TTLL11: variants seen among roughly 807,000 people sequenced by gnomAD.
TTLL11 encodes tubulin polyglutamylase TTLL11.
TTLL11 carries 42 observed loss-of-function variants against 51.7 expected under a neutral mutation model. The ratio of observed to expected loss-of-function variants is 0.81; its 90% confidence interval spans 0.64 to 1.05. The LOEUF (loss-of-function observed/expected upper bound fraction) is 1.05, where lower values mean the gene tolerates loss of function less well. TTLL11 is among the 50% of genes least tolerant of loss of function. The probability of loss-of-function intolerance (pLI) is 0.00; values close to 1 mark genes in which losing one functional copy is unlikely to be tolerated. For missense variants in TTLL11, 799 were observed against 940.4 expected, an observed-to-expected ratio of 0.85 and a Z score of 1.97; for synonymous variants, 381 against 383.5, an observed-to-expected ratio of 0.99 and a Z score of 0.08.
chr9:121,989,244 A>G lies in TTLL11; in HGVS notation c.1220T>C (p.Phe407Ser). 1 of 1,614,120 alleles carries G rather than the reference A, an allele frequency of 6.2e-7. No individual in the cohort carries two copies. The highest frequency in any genetic ancestry group is 8.5e-7 in the Non-Finnish European group (1 of 1,179,976). ...VIALTPELKV[F>S]YQSDIPTGRP... ...CCCCGTGGGGATGTCTGACTGGTAG[A>G]AGACTTTGAGCTCTGGAGTCAGCGC... Residue 407 changes from phenylalanine (F) to serine (S), a missense_variant, in exon 4 of 9, where the codon TTC becomes TCC. Phe to Ser is a radical substitution (Grantham distance 155). Transcript: ENST00000321582. This position sits in a 1 kb window ranked among gnomAD's most constrained non-coding sequence, Gnocchi z 4.2.
At chr9:121,922,400 G>A (rs1317222551) in intron 6 of TTLL11, among the ~76,000 whole-genome samples, 1 of 152,108 alleles carries the variant, frequency 6.6e-6, no homozygotes, top group Non-Finnish European at 1.5e-5. Context: ...TCTCATTAGA[G>A]TCTCTGAAGG....
At chr9:121,971,827 T>C (rs1463049972) in intron 6 of TTLL11, among the ~76,000 whole-genome samples, 3 of 151,212 alleles carry the variant, frequency 2.0e-5, no homozygotes, top group Non-Finnish European at 4.4e-5. Flanking sequence ...TTCATGTCCT[T>C]TGCAGGGACC....
intron 3 of TTLL11, among the ~76,000 whole-genome samples, chr9:122,029,195 A>C (rs1328616860): frequency 2.0e-5 from 3 of 152,238 alleles, no homozygotes; most frequent in South Asian, 4.1e-4. Context: ...GATAATGATA[A>C]TAAACTACTA....
At chr9:121,873,657 T>G (rs904667734) in intron 6 of TTLL11, among the ~76,000 whole-genome samples, 2 of 150,984 alleles carry the variant, frequency 1.3e-5, no homozygotes, top group Non-Finnish European at 3.0e-5. Context: ...CTTCTTCTTC[T>G]TCTTCTTCTT....
At chr9:121,919,856 A>AG (rs1457516329) in intron 6 of TTLL11, among the ~76,000 whole-genome samples, 2 of 151,458 alleles carry the variant, frequency 1.3e-5, no homozygotes, top group African/African-American at 4.9e-5. Flanking sequence ...CTAAAAAAAA[A>AG]AAAAAAAAAA....
intron 8 of TTLL11, among the ~76,000 whole-genome samples, chr9:121,838,596 G>A (rs1228118553): frequency 6.6e-6 from 1 of 152,170 alleles, no homozygotes; most frequent in Non-Finnish European, 1.5e-5. Flanking sequence ...GCATGTGCCT[G>A]TAGTCCCAGC....
chr9:121,927,875 A>C (rs1840800144), intron 6 of TTLL11, among the ~76,000 whole-genome samples: 1 of 152,198 alleles, frequency 6.6e-6, no homozygotes, highest in African/African-American at 2.4e-5. Context: ...GGAAAAACCT[A>C]GTCATGAAGG....
chr9:122,036,721 C>T (rs1031922466), intron 2 of TTLL11, among the ~76,000 whole-genome samples: 1 of 151,992 alleles, frequency 6.6e-6, no homozygotes, highest in Non-Finnish European at 1.5e-5. Flanking sequence ...AAGTAATATA[C>T]AATGTATAGA....
At chr9:121,982,559 A>C (rs975719906) in intron 4 of TTLL11, among the ~76,000 whole-genome samples, 3 of 152,038 alleles carry the variant, frequency 2.0e-5, no homozygotes, top group Non-Finnish European at 4.4e-5. Context: ...TCTACTAAAA[A>C]TATTTTTTAA....
chr9:122,059,762 G>A (rs981196688), intron 1 of TTLL11, among the ~76,000 whole-genome samples: 3 of 152,262 alleles, frequency 2.0e-5, no homozygotes, highest in African/African-American at 2.4e-5. Context: ...TCCCTGCTCC[G>A]GTTATCACGA....
At chr9:122,068,276 T>C (rs948446171) in intron 1 of TTLL11, among the ~76,000 whole-genome samples, 1 of 152,170 alleles carries the variant, frequency 6.6e-6, no homozygotes, top group Non-Finnish European at 1.5e-5. Flanking sequence ...ATTTATACAA[T>C]ATATACCTAG....
intron 3 of TTLL11, among the ~76,000 whole-genome samples, chr9:122,018,469 T>A (rs1438986215): frequency 2.0e-5 from 3 of 152,210 alleles, no homozygotes; most frequent in Non-Finnish European, 4.4e-5. Context: ...TGTTTCATCA[T>A]CACATGCGAT....
rs1407556245 is a variant in TTLL11 at position 121,820,018 on chromosome 9, G to T, written c.*2569C>A. Among the ~76,000 whole-genome samples, 1 of 152,158 alleles carries T rather than the reference G, an allele frequency of 6.6e-6. No homozygotes were observed. ...CCCTAACAATCAGCAGGGAGGCTCT[G>T]TGCCCTGCGGGTGGGTGGGGCTATC... On this transcript the variant is annotated 3_prime_UTR_variant, in exon 9 of 9. Coordinates refer to ENST00000321582, the MANE Select transcript of TTLL11 (RefSeq NM_001139442.2).
chr9:121,976,280 C>T (rs1383448929), intron 4 of TTLL11, among the ~76,000 whole-genome samples: 1 of 152,188 alleles, frequency 6.6e-6, no homozygotes, highest in African/African-American at 2.4e-5. Flanking sequence ...GGGTTTCTTT[C>T]TATTCCTTAC....
intron 1 of TTLL11, among the ~76,000 whole-genome samples, chr9:122,086,234 C>A (rs980861016): frequency 6.6e-6 from 1 of 152,132 alleles, no homozygotes; most frequent in Non-Finnish European, 1.5e-5. Context: ...TTTTAAAGGA[C>A]TGTTTAAGGA....
chr9:121,965,543 A>C (rs1476849933), intron 6 of TTLL11, among the ~76,000 whole-genome samples: 1 of 152,182 alleles, frequency 6.6e-6, no homozygotes, highest in African/African-American at 2.4e-5. Flanking sequence ...ATCCGAGATG[A>C]GATTTGGGTA....
intron 1 of TTLL11, among the ~76,000 whole-genome samples, chr9:122,071,522 C>T (rs941793959): frequency 6.6e-6 from 1 of 152,128 alleles, no homozygotes; most frequent in Non-Finnish European, 1.5e-5. Flanking sequence ...TGGGCCACTC[C>T]CTCAGCAGAA....
At chr9:121,991,628 A>G (rs565259172) in intron 3 of TTLL11, among the ~76,000 whole-genome samples, 2 of 152,320 alleles carry the variant, frequency 1.3e-5, no homozygotes, top group South Asian at 2.1e-4. Context: ...AGTTCAATAT[A>G]TTATCCAGAG....
At chr9:122,020,616 C>A (rs1844142771) in intron 3 of TTLL11, among the ~76,000 whole-genome samples, 1 of 152,210 alleles carries the variant, frequency 6.6e-6, no homozygotes, top group Non-Finnish European at 1.5e-5. Context: ...TGCTTGTGTT[C>A]CCACCCCACC....
Sources: gnomAD v4.1 joint callset for allele counts (sites outside exome capture counted in the v4.1 genomes callset) on GRCh38, gnomAD v4.1.1 for gene constraint, Gnocchi (gnomAD v3.1) non-coding constraint, MANE v1.5 for transcripts, NCBI Gene and HGNC (gene_info 2026-07-23, HGNC 2026-07-21) for gene names.